The following SCMH1 variants were observed in gnomAD, a reference collection of about 807,000 sequenced individuals.
The protein encoded by SCMH1 is polycomb protein SCMH1.
Under a neutral mutation model 70.8 loss-of-function variants are expected in SCMH1, and 37 were observed. The ratio of observed to expected loss-of-function variants is 0.52; its 90% CI spans 0.40 to 0.69. SCMH1 has a LOEUF of 0.69. Ranked by LOEUF, SCMH1 falls within the 30% of genes least tolerant of loss-of-function variation. SCMH1 has a pLI of 0.00. For missense variants in SCMH1, 607 were observed against 827.3 expected (o/e 0.73, Z 3.27); for synonymous variants, 292 against 307.4 (o/e 0.95, Z 0.52).
intron 6 of SCMH1, among the ~76,000 whole-genome samples, chr1:41,140,554 G>C (rs1463392899): frequency 6.6e-6 from 1 of 152,108 alleles, no homozygotes; most frequent in Non-Finnish European, 1.5e-5. Context: ...GCCTCCCAAA[G>C]TGCTGGGATT....
chr1:41,230,727 G>A (rs2148899442), intron 1 of SCMH1, among the ~76,000 whole-genome samples: 1 of 151,986 alleles, frequency 6.6e-6, no homozygotes, highest in Non-Finnish European at 1.5e-5. Flanking sequence ...TGAATTAGGG[G>A]GCTGTTCACT....
chr1:41,169,144 G>A (rs1273810884), intron 2 of SCMH1, among the ~76,000 whole-genome samples: 1 of 152,174 alleles, frequency 6.6e-6, no homozygotes, highest in African/African-American at 2.4e-5. Context: ...GGCTACTCAT[G>A]AATGCAAAGC....
Position 41,070,726 on chromosome 1 carries a change from C to T in SCMH1, c.979-5G>A. 3 of 1,613,716 alleles carry T rather than the reference C, an allele frequency of 1.9e-6. No individual in the cohort carries two copies. The highest frequency in any genetic ancestry group is 2.5e-6 in the Non-Finnish European group (3 of 1,179,806). On this transcript the variant is annotated splice_polypyrimidine_tract_variant and splice_region_variant and intron_variant, in intron 9 of 14. Coordinates refer to ENST00000337495, the Ensembl canonical transcript of SCMH1. Reference sequence around the variant, plus strand: ...CAGCAAAGTCCGAGGTTTCCTCTGTCAAAATGAATGGGAAAAAAATTGCTA... The same window carrying T: ...CAGCAAAGTCCGAGGTTTCCTCTGTTAAAATGAATGGGAAAAAAATTGCTA...
chr1:41,092,797 G>A (rs1265732782), intron 8 of SCMH1, among the ~76,000 whole-genome samples: 4 of 152,156 alleles, frequency 2.6e-5, no homozygotes, highest in African/African-American at 7.2e-5. Flanking sequence ...GGCCATCAGA[G>A]AAATGCAAAT....
At chr1:41,069,159 T>C (rs1035222081) in intron 10 of SCMH1, among the ~76,000 whole-genome samples, 1 of 152,158 alleles carries the variant, frequency 6.6e-6, no homozygotes, top group African/African-American at 2.4e-5. Flanking sequence ...CATGGCTCAA[T>C]TGAGAACAGC....
At chr1:41,030,848 A>G (rs767854582) in intron 13 of SCMH1, among the ~76,000 whole-genome samples, 1 of 152,220 alleles carries the variant, frequency 6.6e-6, no homozygotes, top group Non-Finnish European at 1.5e-5. Context: ...TAGATAAATA[A>G]TGATCACAGA....
chr1:41,028,440 T>G (rs1485587056), intron 14 of SCMH1, 121 bp from the exon 16 acceptor site: 10 of 1,509,168 alleles, frequency 6.6e-6, no homozygotes, highest in Non-Finnish European at 9.1e-6. Context: ...TGGAGTCCAG[T>G]TCACCTGCTG....
In SCMH1 at chr1:41,176,962, C is replaced by T. The variant is rs575681261; in HGVS notation, c.13+9159G>A. ...GACAGACTGCCTCCTCAAGTGGGTCCCTGACCCCCAAGTAGCCTAACTGGG... is the reference window on the plus strand; with the variant it reads ...GACAGACTGCCTCCTCAAGTGGGTCTCTGACCCCCAAGTAGCCTAACTGGG... On this transcript the variant is annotated intron_variant, in intron 2 of 14. Transcript: ENST00000337495. Among the ~76,000 whole-genome samples, 4 of 152,304 alleles carry T rather than the reference C, an allele frequency of 2.6e-5. No individual in the cohort carries two copies. In the South Asian group the frequency reaches 6.2e-4, roughly 24 times the overall value.
chr1:41,238,499 ATAAC>A (rs1225492181), intron 1 of SCMH1, among the ~76,000 whole-genome samples: 1 of 152,144 alleles, frequency 6.6e-6, no homozygotes, highest in African/African-American at 2.4e-5. Context: ...ATCTGGCTAT[ATAAC>A]TCTCTACCCC....
chr1:41,029,613 T>G (rs1644242406), intron 13 of SCMH1, among the ~76,000 whole-genome samples: 1 of 152,214 alleles, frequency 6.6e-6, no homozygotes. Context: ...CCTGTGGGAT[T>G]TGGGATCTCT....
At chr1:41,152,028 G>A (rs529295095) in intron 4 of SCMH1, among the ~76,000 whole-genome samples, 1 of 152,254 alleles carries the variant, frequency 6.6e-6, no homozygotes, top group South Asian at 2.1e-4. Context: ...AAAGTGGGTG[G>A]GGAGATTCCT....
At chr1:41,046,720 C>T (rs1438260272) in intron 11 of SCMH1, 122 bp from the exon 12 acceptor site, 1 of 744,124 alleles carries the variant, frequency 1.3e-6, no homozygotes, top group East Asian at 2.7e-5. Context: ...GAATCAGTGC[C>T]CCACGTTTCC....
chr1:41,209,169 G>A (rs1656376252), intron 1 of SCMH1, among the ~76,000 whole-genome samples: 1 of 152,154 alleles, frequency 6.6e-6, no homozygotes, highest in Non-Finnish European at 1.5e-5. Context: ...AAACCAGGAA[G>A]AAGTTGAATC....
At chr1:41,163,789 G>T (rs529754855) in intron 2 of SCMH1, among the ~76,000 whole-genome samples, 1 of 152,084 alleles carries the variant, frequency 6.6e-6, no homozygotes, top group South Asian at 2.1e-4. Context: ...TGTTACAGCA[G>T]CCCTGGAAAC....
intron 2 of SCMH1, among the ~76,000 whole-genome samples, chr1:41,168,932 G>A (rs1457175281): frequency 1.3e-5 from 2 of 152,100 alleles, no homozygotes; most frequent in South Asian, 2.1e-4. Context: ...GAGATGTTGA[G>A]GTGCTGAATG....
intron 6 of SCMH1, among the ~76,000 whole-genome samples, chr1:41,132,797 G>A (rs1572452084): frequency 6.6e-6 from 1 of 152,130 alleles, no homozygotes; most frequent in Non-Finnish European, 1.5e-5. Flanking sequence ...ATTAAATAGG[G>A]AATCCTTTCC....
intron 1 of SCMH1, among the ~76,000 whole-genome samples, chr1:41,198,052 C>A (rs1211778547): frequency 6.6e-6 from 1 of 152,166 alleles, no homozygotes; most frequent in Non-Finnish European, 1.5e-5. Flanking sequence ...ATTTCTACAT[C>A]TTTAAAATGG....
intron 8 of SCMH1, among the ~76,000 whole-genome samples, chr1:41,079,478 A>G (rs6698511): frequency 0.85 from 129,327 of 152,136 alleles, 55,475 homozygotes; most frequent in East Asian, 0.97. Flanking sequence ...AACACTAACC[A>G]AAAGAAAACT....
At chr1:41,075,268 G>C (rs1571836687) in exon 9 of SCMH1, 1 of 1,614,138 alleles carries the variant, frequency 6.2e-7, no homozygotes, top group Non-Finnish European at 8.5e-7. Context: ...CAAAGGTTCA[G>C]CTGTCTTGGA....
Sources: allele counts gnomAD v4.1 joint callset (sites outside exome capture counted in the v4.1 genomes callset), GRCh38; gene constraint gnomAD v4.1.1; transcripts MANE v1.5; gene names NCBI Gene and HGNC (gene_info 2026-07-23, HGNC 2026-07-21).